The following NUBPL variants were observed in gnomAD, a reference collection of about 807,000 sequenced individuals.
NUBPL encodes NUBP iron-sulfur cluster assembly factor, mitochondrial, also known as iron-sulfur cluster transfer protein NUBPL.
In NUBPL, 31 loss-of-function variants were observed where a neutral mutation model predicts 45.7. The ratio of observed to expected loss-of-function variants is 0.68; its 90% confidence interval spans 0.51 to 0.92. NUBPL has a LOEUF of 0.92. NUBPL is among the 40% of genes least tolerant of loss of function. The probability of loss-of-function intolerance (pLI) is 0.00; values close to 1 mark genes in which losing one functional copy is unlikely to be tolerated. For synonymous variants in NUBPL, 144 were observed against 140.9 expected, an observed-to-expected ratio of 1.02 and a Z score of -0.15; for missense variants, 401 against 398.7, an observed-to-expected ratio of 1.01 and a Z score of -0.05.
At chr14:31,606,290 C>A (rs1387560861) in intron 4 of NUBPL, among the ~76,000 whole-genome samples, 1 of 151,926 alleles carries the variant, frequency 6.6e-6, no homozygotes, top group African/African-American at 2.4e-5. Flanking sequence ...TGGGGTCTCA[C>A]TGTGTTGCCC....
intron 4 of NUBPL, among the ~76,000 whole-genome samples, chr14:31,640,614 CAAAAAA>C (rs59871107): frequency 1.0e-5 from 1 of 97,024 alleles, no homozygotes; most frequent in African/African-American, 3.8e-5. Context: ...GACTCTGTCT[CAAAAAA>C]AAAAAAAAAA....
intron 4 of NUBPL, among the ~76,000 whole-genome samples, chr14:31,634,940 GT>G (rs932146825): frequency 1.4e-5 from 2 of 141,298 alleles, no homozygotes; most frequent in African/African-American, 3.1e-5. Flanking sequence ...GGGGTTGTTT[GT>G]TTTTTTCTTG....
intron 6 of NUBPL, among the ~76,000 whole-genome samples, chr14:31,728,136 C>G (rs960694221): frequency 6.6e-6 from 1 of 151,992 alleles, no homozygotes; most frequent in African/African-American, 2.4e-5. Context: ...AGAATTGAAG[C>G]TAGTTTTTTT....
At chr14:31,807,817 A>G (rs1169611857) in intron 7 of NUBPL, among the ~76,000 whole-genome samples, 2 of 152,152 alleles carry the variant, frequency 1.3e-5, no homozygotes, top group African/African-American at 4.8e-5. Flanking sequence ...TAAGGAAGGG[A>G]TCCAGTTTCA....
chr14:31,569,472 C>G (rs571502601), intron 3 of NUBPL, among the ~76,000 whole-genome samples: 1 of 152,180 alleles, frequency 6.6e-6, no homozygotes. Context: ...GCTGGAGTTA[C>G]AGGTGTGAGC....
At chr14:31,608,138 G>C (rs1229228269) in intron 4 of NUBPL, among the ~76,000 whole-genome samples, 1 of 152,130 alleles carries the variant, frequency 6.6e-6, no homozygotes, top group Non-Finnish European at 1.5e-5. Context: ...TAGTATATCT[G>C]GTGAAAATAT....
chr14:31,705,367 C>T (rs2037424970), intron 6 of NUBPL, among the ~76,000 whole-genome samples: 2 of 152,228 alleles, frequency 1.3e-5, no homozygotes, highest in African/African-American at 4.8e-5. Flanking sequence ...TCGCCGGCTG[C>T]TGGCTGGGGT....
chr14:31,748,470 G>A (rs957540640), intron 6 of NUBPL, among the ~76,000 whole-genome samples: 1 of 152,026 alleles, frequency 6.6e-6, no homozygotes, highest in African/African-American at 2.4e-5. Flanking sequence ...TTGTACATTT[G>A]GATGCTTTGT....
At chr14:31,714,957 T>G (rs2037655350) in intron 6 of NUBPL, among the ~76,000 whole-genome samples, 1 of 152,192 alleles carries the variant, frequency 6.6e-6, no homozygotes, top group Non-Finnish European at 1.5e-5. Flanking sequence ...TGACTTCCAC[T>G]AAACACCAGC....
intron 6 of NUBPL, chr14:31,703,004 A>G (rs2037372177): frequency 6.6e-6 from 1 of 152,152 alleles, no homozygotes; most frequent in Non-Finnish European, 1.5e-5. Flanking sequence ...TCTTAAGTAG[A>G]GCTTGTTTTT....
intron 3 of NUBPL, among the ~76,000 whole-genome samples, chr14:31,571,889 T>A (rs1406209733): frequency 2.0e-5 from 3 of 152,236 alleles, no homozygotes; most frequent in African/African-American, 7.2e-5. Flanking sequence ...AGCACTGTTA[T>A]ATGTGCTTTC....
intron 4 of NUBPL, among the ~76,000 whole-genome samples, chr14:31,607,886 A>G (rs1421765558): frequency 2.6e-5 from 4 of 152,186 alleles, no homozygotes; most frequent in African/African-American, 9.7e-5. Context: ...CAAAAGTACA[A>G]TAAGGTTATA....
intron 6 of NUBPL, among the ~76,000 whole-genome samples, chr14:31,746,726 C>A (rs1173913254): frequency 6.6e-6 from 1 of 151,828 alleles, no homozygotes; most frequent in Admixed American, 6.6e-5. Context: ...AAGCATTCCT[C>A]CACTTCAGTT....
At position 31,659,626 on chromosome 14, in the gene NUBPL, GTAC is replaced by G. The variant is rs139446643; in HGVS notation, c.383-13727_383-13725del. ...GAAGTGAGATACCAAGTTTATATCT[GTAC>G]TCAGTGAATTAGCCCCGGAGTAGAA... On this transcript the variant is annotated intron_variant, in intron 4 of 10. Transcript: ENST00000281081. Among the ~76,000 whole-genome samples the G allele has an allele frequency of 4.5e-3, 690 of 152,278 alleles. 3 individuals carry two copies. Among genetic ancestry groups the G allele is most frequent in the East Asian group, 0.024 (126 of 5,190 alleles).
intron 4 of NUBPL, among the ~76,000 whole-genome samples, chr14:31,603,854 C>T (rs1254850064): frequency 6.6e-6 from 1 of 152,052 alleles, no homozygotes; most frequent in Non-Finnish European, 1.5e-5. Flanking sequence ...AAATATATGA[C>T]ATGAGCCAAG....
chr14:31,563,189 T>C lies in NUBPL; in HGVS notation c.256+974T>C, dbSNP rs182116081. Reference sequence around the variant, plus strand: ...TTTTTGGTTCTAGAACCTTTTGGAGTACATTTTTCAGTTTTCAGTGGTTTG... The same window carrying C: ...TTTTTGGTTCTAGAACCTTTTGGAGCACATTTTTCAGTTTTCAGTGGTTTG... On this transcript the variant is annotated intron_variant, in intron 2 of 10. Coordinates refer to ENST00000281081, the MANE Select transcript of NUBPL (RefSeq NM_025152.3). Among the ~76,000 whole-genome samples, 364 of 152,278 alleles carry C rather than the reference T, an allele frequency of 2.4e-3. 1 individual carries two copies. Among genetic ancestry groups the C allele is most frequent in the African/African-American group, 8.1e-3 (335 of 41,550 alleles).
At chr14:31,730,494 T>C (rs1991619) in intron 6 of NUBPL, among the ~76,000 whole-genome samples, 149,008 of 149,648 alleles carry the variant, frequency 1, 74,189 homozygotes, top group Middle Eastern at 1. Context: ...GATGGAGTCT[T>C]GCACCGTCGC....
Position 31,819,721 on chromosome 14 carries a change from G to A in NUBPL, c.608-6908G>A, listed in dbSNP as rs117615496. Among the ~76,000 whole-genome samples, 1,217 of 152,298 alleles carry A rather than the reference G, an allele frequency of 8.0e-3. 13 individuals are homozygous for A. Among genetic ancestry groups the A allele is most frequent in the Admixed American group, 0.019 (288 of 15,300 alleles). ...TTTATGTATTTGCCAGAATCTGCCA[G>A]ACAATCAACCTTTTATAGTAAATCT... On this transcript the variant is annotated intron_variant, in intron 7 of 10. Coordinates refer to ENST00000281081, the MANE Select transcript of NUBPL (RefSeq NM_025152.3).
chr14:31,651,573 A>G (rs2036004808), intron 4 of NUBPL, among the ~76,000 whole-genome samples: 1 of 152,214 alleles, frequency 6.6e-6, no homozygotes, highest in Non-Finnish European at 1.5e-5. Flanking sequence ...AATATTTAAG[A>G]AACTTAATAG....
Sources: gnomAD v4.1 joint callset for allele counts (sites outside exome capture counted in the v4.1 genomes callset) on GRCh38, gnomAD v4.1.1 for gene constraint, MANE v1.5 for transcripts, NCBI Gene and HGNC (gene_info 2026-07-23, HGNC 2026-07-21) for gene names.